SPTBN2: variants seen among roughly 807,000 people sequenced by gnomAD.
The protein encoded by SPTBN2 is spectrin beta chain, non-erythrocytic 2.
A neutral mutation model predicts 284.2 loss-of-function variants in SPTBN2; 107 were observed. The observed-to-expected ratio is 0.38, with a 90% CI of 0.32 to 0.44. SPTBN2 has a LOEUF of 0.44. Ranked by LOEUF, SPTBN2 falls within the 20% of genes least tolerant of loss-of-function variation. SPTBN2 has a pLI of 1.00. For missense variants in SPTBN2, 2,569 were observed against 3,287.1 expected, an observed-to-expected ratio of 0.78 and a Z score of 5.34; for synonymous variants, 1,289 against 1,354.8, an observed-to-expected ratio of 0.95 and a Z score of 1.07.
Position 66,707,815 on chromosome 11 carries a change from T to A in SPTBN2, c.1354A>T (p.Asn452Tyr). The A allele has an allele frequency of 1.2e-6, 2 of 1,608,708 alleles. No homozygotes were observed. Among genetic ancestry groups the A allele is most frequent in the Non-Finnish European group, 1.7e-6 (2 of 1,179,904 alleles). The change falls in exon 13 of 38, where the codon AAC becomes TAC. Residue 452 changes from asparagine (N) to tyrosine (Y), a missense_variant. Asn to Tyr is a moderately radical substitution (Grantham distance 143, BLOSUM62 -2). Transcript: ENST00000533211. The surrounding 1 kb of genome is among the most constrained non-coding windows in gnomAD (Gnocchi z 4.9). Reference sequence around the variant, plus strand: ...ACAGCTGCCAGCTCCAGCCCAAAGTTGTCCTGTGTCGGGGGCAGGGAGAGG... The same window carrying A: ...ACAGCTGCCAGCTCCAGCCCAAAGTAGTCCTGTGTCGGGGGCAGGGAGAGG... ...SENQRLVSQD[N>Y]FGLELAAVEA... is the part of the protein sequence containing the mutation.
intron 1 of SPTBN2, among the ~76,000 whole-genome samples, chr11:66,734,986 A>G (rs1376699754): frequency 1.3e-5 from 2 of 152,328 alleles, no homozygotes; most frequent in East Asian, 3.9e-4. Flanking sequence ...GATGATACAG[A>G]GAGATCAAAG....
intron 3 of SPTBN2, 51 bp downstream of exon 3, chr11:66,721,033 T>C: frequency 6.2e-7 from 1 of 1,613,108 alleles, no homozygotes; most frequent in Non-Finnish European, 8.5e-7. Flanking sequence ...CATGACGAGC[T>C]GACAAAGCCT....
chr11:66,701,591 T>G lies in SPTBN2; in HGVS notation c.2809A>C (p.Asn937His). ...CTGCCCTCCCAAACCCACCTGTGGT[T>G]GAGCTGCTCCTGGGTGTTGACAATG... Reference protein sequence around the residue: ...DRIVNTQEQLNHRWQQFRRLA... With the variant: ...DRIVNTQEQLHHRWQQFRRLA... Residue 937 changes from asparagine to histidine, a missense_variant, in exon 16 of 38, where the codon AAC (asparagine) becomes CAC (histidine). Asn to His is a moderately conservative substitution (Grantham distance 68). Around this residue, in one of 6 missense-constraint regions of SPTBN2, gnomAD observed 1,012 missense variants for 1,248.9 expected, o/e 0.81. Coordinates refer to ENST00000533211, the MANE Select transcript of SPTBN2 (RefSeq NM_006946.4). 1 of 1,614,118 alleles carries G rather than the reference T, an allele frequency of 6.2e-7. No homozygotes were observed. Among genetic ancestry groups the G allele is most frequent in the East Asian group, 2.2e-5 (1 of 44,872 alleles).
Position 66,700,437 on chromosome 11 carries a change from T to G in SPTBN2, c.3573+89A>C. On this transcript the variant is annotated intron_variant, in intron 17 of 37. Coordinates refer to ENST00000533211, the MANE Select transcript of SPTBN2 (RefSeq NM_006946.4). The surrounding 1 kb of genome is among the most constrained non-coding windows in gnomAD (Gnocchi z 6.6). ...ACTGCGCTGCCCCATTTTGCTAGCA[T>G]GTCCTTCCTGCCCATCCTGCTCCTT... The G allele has an allele frequency of 6.3e-7, 1 of 1,576,354 alleles. No individual in the cohort carries two copies. Among genetic ancestry groups the G allele is most frequent in the Non-Finnish European group, 8.6e-7 (1 of 1,162,382 alleles).
At chr11:66,714,265 C>A (rs774875287) in intron 6 of SPTBN2, 51 bp downstream of exon 6, 1 of 1,606,782 alleles carries the variant, frequency 6.2e-7, no homozygotes, top group South Asian at 1.1e-5. Context: ...GAGCCCAGCA[C>A]AGCCTGGGGG....
In SPTBN2 at chr11:66,693,910, AGCAGGGACTGATTAGTGGGAG is replaced by A; in HGVS notation, c.4504-70_4504-50del. ...TGGAGGCCCAGAGGGCAAGGCAAGC[AGCAGGGACTGATTAGTGGGAG>A]TGGGGACACCTGGGGCTACCGCCCT... On this transcript the variant is annotated intron_variant, in intron 22 of 37. Coordinates refer to ENST00000533211, the MANE Select transcript of SPTBN2 (RefSeq NM_006946.4). This position sits in a 1 kb window ranked among gnomAD's most constrained non-coding sequence, Gnocchi z 5.7. 1 of 1,568,624 alleles carries A rather than the reference AGCAGGGACTGATTAGTGGGAG, an allele frequency of 6.4e-7. No individual in the cohort carries two copies. The highest frequency in any genetic ancestry group is 1.1e-5 in the South Asian group (1 of 88,844).
In SPTBN2 at chr11:66,707,429, C is replaced by T. The variant is rs567398123; in HGVS notation, c.1653+87G>A. 3.3e-5 allele frequency: 46 copies of T among 1,398,084 alleles called. No homozygotes were observed. The South Asian group carries it at 5.0e-4, about 15-fold the overall frequency. 86.6% of individuals were successfully genotyped at this position (1,398,084 alleles called of 1,614,324 possible). A position where few individuals can be genotyped will look rare whatever the true frequency, so the allele number is the denominator to read the frequency against. ...GTGCTGGTTCACACTCCACAGAGAT[C>T]GGCCGAGCAGACGGGCGGACGCACC... is the stretch of plus-strand genomic sequence containing the variant. On this transcript the variant is annotated intron_variant, in intron 13 of 37. Coordinates refer to ENST00000533211, the MANE Select transcript of SPTBN2 (RefSeq NM_006946.4). The surrounding 1 kb of genome is among the most constrained non-coding windows in gnomAD (Gnocchi z 4.9).
In SPTBN2 at chr11:66,707,424, GA is replaced by G; in HGVS notation, c.1653+91del. ...GCCCTGTGCTGGTTCACACTCCACAGAGATCGGCCGAGCAGACGGGCGGACG... is the reference window on the plus strand; with the variant it reads ...GCCCTGTGCTGGTTCACACTCCACAGGATCGGCCGAGCAGACGGGCGGACG... On this transcript the variant is annotated intron_variant, in intron 13 of 37. Coordinates refer to ENST00000533211, the MANE Select transcript of SPTBN2 (RefSeq NM_006946.4). This position sits in a 1 kb window ranked among gnomAD's most constrained non-coding sequence, Gnocchi z 4.9. 7.3e-7 allele frequency: 1 copy of G among 1,368,584 alleles called. No homozygotes were observed. The highest frequency in any genetic ancestry group is 1.3e-5 in the South Asian group (1 of 77,570). The allele number at this position is 1,368,584 out of a possible 1,614,324, so 84.8% of individuals were successfully genotyped here.
chr11:66,721,453 A>G lies in SPTBN2; in HGVS notation c.-113-13T>C. 4.7e-6 allele frequency: 3 copies of G among 640,554 alleles called. No individual in the cohort carries two copies. Among genetic ancestry groups the G allele is most frequent in the Non-Finnish European group, 8.4e-6 (3 of 357,522 alleles). The allele number at this position is 640,554 out of a possible 1,614,324, so 39.7% of individuals were successfully genotyped here. A position where few individuals can be genotyped will look rare whatever the true frequency, so the allele number is the denominator to read the frequency against. On this transcript the variant is annotated splice_polypyrimidine_tract_variant and intron_variant, in intron 1 of 37. Coordinates refer to ENST00000533211, the MANE Select transcript of SPTBN2 (RefSeq NM_006946.4). Reference sequence around the variant, plus strand: ...CCACCTGGGAAGCCTGGGGACGGGAATACATCAGAAGCACAGAAAGTGAAG... The same window carrying G: ...CCACCTGGGAAGCCTGGGGACGGGAGTACATCAGAAGCACAGAAAGTGAAG...
In SPTBN2 at chr11:66,691,002, A is replaced by G. The variant is rs1940506117; in HGVS notation, c.5565+282T>C. Among the ~76,000 whole-genome samples, 1 of 152,084 alleles carries G rather than the reference A, an allele frequency of 6.6e-6. No homozygotes were observed. The highest frequency in any genetic ancestry group is 1.5e-5 in the Non-Finnish European group (1 of 68,012). On this transcript the variant is annotated intron_variant, in intron 27 of 37. Coordinates refer to ENST00000533211, the MANE Select transcript of SPTBN2 (RefSeq NM_006946.4). This position sits in a 1 kb window ranked among gnomAD's most constrained non-coding sequence, Gnocchi z 8.0. Reference sequence around the variant, plus strand: ...CTGGCTAATTTTGTATTTTTAGTAGAGAAGGGGTTTCTCCATGTTGGTCAG... The same window carrying G: ...CTGGCTAATTTTGTATTTTTAGTAGGGAAGGGGTTTCTCCATGTTGGTCAG...
Position 66,685,606 on chromosome 11 carries a change from C to T in SPTBN2, c.*265G>A, listed in dbSNP as rs1465019479. 6 of 455,226 alleles carry T rather than the reference C, an allele frequency of 1.3e-5. No homozygotes were observed. Among genetic ancestry groups the T allele is most frequent in the African/African-American group, 4.7e-5 (2 of 42,366 alleles). The allele number at this position is 455,226 out of a possible 1,614,324, so 28.2% of individuals were successfully genotyped here. On this transcript the variant is annotated 3_prime_UTR_variant, in exon 38 of 38. Transcript: ENST00000533211. This position sits in a 1 kb window ranked among gnomAD's most constrained non-coding sequence, Gnocchi z 4.4. ...CACACCGTGGTGAGGGACAGAGGCACGAGGCTGGGGAAAGGGGAGAAGTCG... is the reference window on the plus strand; with the variant it reads ...CACACCGTGGTGAGGGACAGAGGCATGAGGCTGGGGAAAGGGGAGAAGTCG...
Position 66,700,063 on chromosome 11 carries a change from C to T in SPTBN2, c.3574-455G>A, listed in dbSNP as rs1941155055. 6.6e-6 allele frequency among the ~76,000 whole-genome samples: 1 copy of T among 151,782 alleles called. No individual in the cohort carries two copies. Among genetic ancestry groups the T allele is most frequent in the African/African-American group, 2.4e-5 (1 of 41,304 alleles). On this transcript the variant is annotated intron_variant, in intron 17 of 37. Coordinates refer to ENST00000533211, the MANE Select transcript of SPTBN2 (RefSeq NM_006946.4). The surrounding 1 kb of genome is among the most constrained non-coding windows in gnomAD (Gnocchi z 6.6). Reference sequence around the variant, plus strand: ...CCTCAAACTCCTGGCTCCAGTGATCCACCAGCCTCAGCCTCCCCAGTAGCT... The same window carrying T: ...CCTCAAACTCCTGGCTCCAGTGATCTACCAGCCTCAGCCTCCCCAGTAGCT...
Position 66,688,663 on chromosome 11 carries a change from T to A in SPTBN2, c.6221A>T (p.Lys2074Met), listed in dbSNP as rs1940319581. 1 of 1,613,916 alleles carries A rather than the reference T, an allele frequency of 6.2e-7. No homozygotes were observed. The highest frequency in any genetic ancestry group is 8.5e-7 in the Non-Finnish European group (1 of 1,179,996). ...TCCTGTGTCCCTCACCGCAGTAAGC[T>A]TCTCCAGCGCACAGAATCGCTCCTC... ...AWEERFCALE[K>M]LTALEEREKE... Residue 2074 changes from lysine (K) to methionine (M), a missense_variant, in exon 31 of 38, where the codon AAG (lysine) becomes ATG (methionine). Lys to Met is a moderately conservative substitution (Grantham distance 95). Coordinates refer to ENST00000533211, the MANE Select transcript of SPTBN2 (RefSeq NM_006946.4).
In SPTBN2 at chr11:66,693,787, G is replaced by A. The variant is rs1940728325; in HGVS notation, c.4578C>T (p.Leu1526=). Residue 1526 remains leucine (L), a synonymous_variant, in exon 23 of 38, where the codon CTC becomes CTT. Transcript: ENST00000533211. This position sits in a 1 kb window ranked among gnomAD's most constrained non-coding sequence, Gnocchi z 5.7. ...TCTGCCTCACCTGGTTTTTCTTCATGAGAAGCTGGACGCTGGGCAGGTCCT... is the reference window on the plus strand; with the variant it reads ...TCTGCCTCACCTGGTTTTTCTTCATAAGAAGCTGGACGCTGGGCAGGTCCT... ...HGKDLPSVQL[L]MKKNQTLQKE... is the part of the protein sequence containing the mutation. 1 of 1,613,264 alleles carries A rather than the reference G, an allele frequency of 6.2e-7. No individual in the cohort carries two copies. The highest frequency in any genetic ancestry group is 8.5e-7 in the Non-Finnish European group (1 of 1,179,760).
At chr11:66,699,277 C>A in intron 18 of SPTBN2, 129 bp downstream of exon 18, 1 of 1,307,532 alleles carries the variant, frequency 7.6e-7, no homozygotes, top group Non-Finnish European at 1.1e-6. Flanking sequence ...CCACTTAGTT[C>A]TTCCCCTCTA....
chr11:66,738,636 C>T, intron 1 of SPTBN2, among the ~76,000 whole-genome samples: 1 of 152,146 alleles, frequency 6.6e-6, no homozygotes, highest in Non-Finnish European at 1.5e-5. Context: ...CTGCCTCAGT[C>T]TTCTGAGTAG....
rs1447821466 is a variant in SPTBN2 at position 66,685,975 on chromosome 11, G to C, written c.7069C>G (p.Pro2357Ala). 1 of 1,613,876 alleles carries C rather than the reference G, an allele frequency of 6.2e-7. No individual in the cohort carries two copies. Among genetic ancestry groups the C allele is most frequent in the African/African-American group, 1.3e-5 (1 of 75,036 alleles). ...RGMTRAMTMPPVSPVGAEGPV... is the reference protein window; with the variant it reads ...RGMTRAMTMPAVSPVGAEGPV... ...CCCTCAGCCCCGACGGGTGACACTG[G>C]GGGCATGGTCATGGCCCGGGTCATG... The change falls in exon 38 of 38, where the codon CCA becomes GCA. Residue 2357 changes from proline (P) to alanine (A), a missense_variant. Pro to Ala is a conservative substitution (Grantham distance 27). This residue lies in a region of SPTBN2 where 1,130 missense variants were observed against 1,317.3 expected (regional missense o/e 0.86). Transcript: ENST00000533211. This position sits in a 1 kb window ranked among gnomAD's most constrained non-coding sequence, Gnocchi z 4.4.
Position 66,701,655 on chromosome 11 carries a change from G to C in SPTBN2, c.2745C>G (p.Ala915=). 6.2e-7 allele frequency: 1 copy of C among 1,614,024 alleles called. No homozygotes were observed. Among genetic ancestry groups the C allele is most frequent in the Non-Finnish European group, 8.5e-7 (1 of 1,180,030 alleles). ...AAQITAVNDI[A]EQLLKANPPG... ...GGGGGTTGGCCTTCAGTAACTGCTCGGCAATGTCATTCACCGCGGTGATTT... is the reference window on the plus strand; with the variant it reads ...GGGGGTTGGCCTTCAGTAACTGCTCCGCAATGTCATTCACCGCGGTGATTT... The change falls in exon 16 of 38, where the codon GCC becomes GCG. Residue 915 remains alanine, a synonymous_variant. Transcript: ENST00000533211.
At chr11:66,739,951 G>A (rs1942882786) in intron 1 of SPTBN2, among the ~76,000 whole-genome samples, 1 of 152,174 alleles carries the variant, frequency 6.6e-6, no homozygotes, top group Non-Finnish European at 1.5e-5. Context: ...AGAATAGCTT[G>A]AACCCAGGAG....
Sources: gnomAD v4.1 joint callset for allele counts (sites outside exome capture counted in the v4.1 genomes callset) on GRCh38, gnomAD v4.1.1 for gene constraint, gnomAD v4.1.1 regional missense constraint, Gnocchi (gnomAD v3.1) non-coding constraint, MANE v1.5 for transcripts, NCBI Gene and HGNC (gene_info 2026-07-23, HGNC 2026-07-21) for gene names.